Variants in RBFOX1 observed in about 807,000 individuals in gnomAD.
RBFOX1 encodes RNA binding fox-1 homolog 1, also known as RNA binding protein fox-1 homolog 1.
In RBFOX1, 8 loss-of-function variants were observed where a neutral mutation model predicts 57.7. The observed-to-expected ratio is 0.14, with a 90% CI of 0.08 to 0.25. The LOEUF (loss-of-function observed/expected upper bound fraction) is 0.25. Ranked by LOEUF, RBFOX1 falls within the 10% of genes least tolerant of loss-of-function variation. The pLI is 1.00. For missense variants in RBFOX1, 611 were observed against 548.5 expected (o/e 1.11, Z -1.14); for synonymous variants, 326 against 222.4 (o/e 1.47, Z -4.15).
intron 3 of RBFOX1, among the ~76,000 whole-genome samples, chr16:6,727,870 C>T (rs991438695): frequency 7.2e-5 from 11 of 152,160 alleles, no homozygotes; most frequent in Non-Finnish European, 1.3e-4. Flanking sequence ...CATTAACTTA[C>T]AGTCCAGTAT....
At chr16:7,030,596 A>G (rs1412526314) in intron 3 of RBFOX1, among the ~76,000 whole-genome samples, 5 of 151,904 alleles carry the variant, frequency 3.3e-5, no homozygotes, top group Non-Finnish European at 7.4e-5. Context: ...GTTCTTTGCT[A>G]TTTCGTATGT....
At chr16:7,424,645 C>G (rs1598117762) in intron 4 of RBFOX1, among the ~76,000 whole-genome samples, 1 of 152,114 alleles carries the variant, frequency 6.6e-6, no homozygotes, top group Non-Finnish European at 1.5e-5. Context: ...GTACATAATG[C>G]ATTTATTTTG....
intron 3 of RBFOX1, among the ~76,000 whole-genome samples, chr16:6,824,892 TGGG>T: frequency 6.6e-6 from 1 of 151,692 alleles, no homozygotes; most frequent in East Asian, 1.9e-4. Context: ...GTGGTATTGT[TGGG>T]TTCCTGCCAT....
intron 4 of RBFOX1, among the ~76,000 whole-genome samples, chr16:7,361,433 A>T (rs1408573976): frequency 6.6e-6 from 1 of 152,190 alleles, no homozygotes; most frequent in Admixed American, 6.5e-5. Context: ...CTAAAGCTTG[A>T]AAGAACGGTT....
intron 14 of RBFOX1, among the ~76,000 whole-genome samples, chr16:7,690,874 A>C (rs1294561138): frequency 6.6e-6 from 1 of 152,088 alleles, no homozygotes; most frequent in East Asian, 1.9e-4. Flanking sequence ...AGCAACATGC[A>C]ATCTCCCCTT....
At chr16:6,388,988 C>T (rs1361921709) in intron 2 of RBFOX1, among the ~76,000 whole-genome samples, 1 of 152,176 alleles carries the variant, frequency 6.6e-6, no homozygotes, top group Non-Finnish European at 1.5e-5. Context: ...GTCCCTGGAT[C>T]CAGCTAAGCC....
intron 1 of RBFOX1, among the ~76,000 whole-genome samples, chr16:5,354,007 A>C (rs771371607): frequency 6.6e-6 from 1 of 152,128 alleles, no homozygotes; most frequent in Non-Finnish European, 1.5e-5. Context: ...GGCTGGGATG[A>C]CTTACCAGAG....
At chr16:7,199,894 C>CA (rs927476470) in intron 4 of RBFOX1, among the ~76,000 whole-genome samples, 3 of 149,134 alleles carry the variant, frequency 2.0e-5, no homozygotes, top group Non-Finnish European at 1.5e-5. Flanking sequence ...GACTCTATCT[C>CA]AAAAAAACAA....
chr16:6,996,798 T>C (rs2092291396), intron 3 of RBFOX1, among the ~76,000 whole-genome samples: 1 of 152,152 alleles, frequency 6.6e-6, no homozygotes, highest in Non-Finnish European at 1.5e-5. Flanking sequence ...CATTTGATTT[T>C]TATGGCCAGT....
chr16:7,702,034 C>T (rs2080904057), intron 14 of RBFOX1, among the ~76,000 whole-genome samples: 1 of 152,172 alleles, frequency 6.6e-6, no homozygotes, highest in Admixed American at 6.5e-5. Context: ...GCATAGTGCA[C>T]TGAGATAACT....
intron 5 of RBFOX1, among the ~76,000 whole-genome samples, chr16:7,562,985 G>C (rs2090771280): frequency 6.6e-6 from 1 of 152,146 alleles, no homozygotes; most frequent in Admixed American, 6.5e-5. Context: ...TAAGGGACTT[G>C]ACCCAGGGGA....
At chr16:7,467,765 C>G (rs559897077) in intron 4 of RBFOX1, among the ~76,000 whole-genome samples, 1 of 152,232 alleles carries the variant, frequency 6.6e-6, no homozygotes, top group Non-Finnish European at 1.5e-5. Context: ...GTCTTCCCCA[C>G]TTCCACTTCA....
chr16:5,530,933 T>TAAAAAAAAAAAAAAAA (rs59311923), intron 2 of RBFOX1, among the ~76,000 whole-genome samples: 6 of 55,048 alleles, frequency 1.1e-4, no homozygotes, highest in Non-Finnish European at 9.4e-5. Flanking sequence ...ACTAAAAATA[T>TAAAAAAAAAAAAAAAA]AAAAAAAAAA....
chr16:6,446,241 C>A (rs1041694505), intron 2 of RBFOX1, among the ~76,000 whole-genome samples: 1 of 151,894 alleles, frequency 6.6e-6, no homozygotes, highest in Non-Finnish European at 1.5e-5. Flanking sequence ...TGGGCCCAAG[C>A]AGTCCTCCTG....
At chr16:5,460,227 G>C (rs2068748329) in intron 1 of RBFOX1, among the ~76,000 whole-genome samples, 1 of 152,208 alleles carries the variant, frequency 6.6e-6, no homozygotes, top group Non-Finnish European at 1.5e-5. Flanking sequence ...GACAGAGAAG[G>C]TTTGAATCCC....
At chr16:7,075,230 A>G (rs934671133) in intron 4 of RBFOX1, among the ~76,000 whole-genome samples, 6 of 152,208 alleles carry the variant, frequency 3.9e-5, no homozygotes, top group South Asian at 4.1e-4. Flanking sequence ...CTGGGTACCA[A>G]CAGTAAAAGT....
intron 2 of RBFOX1, among the ~76,000 whole-genome samples, chr16:6,456,911 C>G (rs2094788300): frequency 6.6e-6 from 1 of 152,030 alleles, no homozygotes; most frequent in South Asian, 2.1e-4. Flanking sequence ...AGTATTGGGT[C>G]TTAGTGAGAA....
At chr16:7,507,666 C>G (rs1387576274) in intron 4 of RBFOX1, among the ~76,000 whole-genome samples, 1 of 149,104 alleles carries the variant, frequency 6.7e-6, no homozygotes, top group African/African-American at 2.5e-5. Flanking sequence ...CGGGTTCACG[C>G]CATTCTTCTG....
At chr16:5,729,261 G>A (rs1351655971) in intron 3 of RBFOX1, among the ~76,000 whole-genome samples, 1 of 152,150 alleles carries the variant, frequency 6.6e-6, no homozygotes, top group East Asian at 1.9e-4. Context: ...CATACCTAGA[G>A]GTTAAGTTCT....
Sources: gnomAD v4.1 joint callset for allele counts (sites outside exome capture counted in the v4.1 genomes callset) on GRCh38, gnomAD v4.1.1 for gene constraint, MANE v1.5 for transcripts, NCBI Gene and HGNC (gene_info 2026-07-23, HGNC 2026-07-21) for gene names.